SRPK2: variants seen among roughly 807,000 people sequenced by gnomAD.
SRPK2 encodes the protein SRSF protein kinase 2.
In SRPK2, 21 loss-of-function variants were observed where a neutral mutation model predicts 90.8. The observed-to-expected ratio is 0.23, with a 90% CI of 0.16 to 0.33. The LOEUF (loss-of-function observed/expected upper bound fraction) is 0.33. Ranked by LOEUF, SRPK2 falls within the 10% of genes least tolerant of loss-of-function variation. The pLI is 1.00. For synonymous variants in SRPK2, 288 were observed against 311.1 expected, an observed-to-expected ratio of 0.93 and a Z score of 0.78; for missense variants, 620 against 869.0, an observed-to-expected ratio of 0.71 and a Z score of 3.60.
chr7:105,144,682 T>C (rs900761833), intron 9 of SRPK2, among the ~76,000 whole-genome samples: 1 of 152,196 alleles, frequency 6.6e-6, no homozygotes, highest in African/African-American at 2.4e-5. Context: ...GTAAAGTGGT[T>C]TTGAAATAAA....
Position 105,122,878 on chromosome 7 carries a change from CA to C in SRPK2, c.1915+3369del, listed in dbSNP as rs1800607250. Among the ~76,000 whole-genome samples, 9 of 151,954 alleles carry C rather than the reference CA, an allele frequency of 5.9e-5. No homozygotes were observed. The South Asian group carries it at 1.9e-3, about 32-fold the overall frequency. On this transcript the variant is annotated intron_variant, in intron 15 of 15. Transcript: ENST00000393651. ...ACACTCGATGCTGTCATCTAGAGACCAGTTTTTTTTTTTTAAGTAAACTGTC... is the reference window on the plus strand; with the variant it reads ...ACACTCGATGCTGTCATCTAGAGACCGTTTTTTTTTTTTAAGTAAACTGTC...
chr7:105,183,727 T>C (rs1793196554), intron 3 of SRPK2, among the ~76,000 whole-genome samples: 1 of 152,108 alleles, frequency 6.6e-6, no homozygotes, highest in Non-Finnish European at 1.5e-5. Context: ...TGACCTCAAA[T>C]GATCTGCCCA....
At chr7:105,139,328 C>T (rs1043168476) in intron 11 of SRPK2, among the ~76,000 whole-genome samples, 1 of 152,112 alleles carries the variant, frequency 6.6e-6, no homozygotes, top group Non-Finnish European at 1.5e-5. Flanking sequence ...AATGACACTG[C>T]CCACTTTAGG....
intron 6 of SRPK2, 46 bp downstream of exon 6, chr7:105,167,330 AT>A (rs1790206219): frequency 1.3e-6 from 2 of 1,517,216 alleles, no homozygotes; most frequent in African/African-American, 2.8e-5. Context: ...AAATATTTTC[AT>A]TTTTTAAAAG....
intron 2 of SRPK2, among the ~76,000 whole-genome samples, chr7:105,377,726 G>C (rs1015066386): frequency 5.9e-5 from 9 of 151,828 alleles, no homozygotes; most frequent in African/African-American, 2.2e-4. Flanking sequence ...AAAGAGAAAA[G>C]CCTGGCCAAA....
intron 2 of SRPK2, among the ~76,000 whole-genome samples, chr7:105,358,933 G>A (rs546393481): frequency 6.6e-6 from 1 of 151,934 alleles, no homozygotes; most frequent in Non-Finnish European, 1.5e-5. Context: ...AACACAGAGA[G>A]AGAGAGAGAG....
chr7:105,310,074 G>C (rs1004563639), intron 2 of SRPK2, among the ~76,000 whole-genome samples: 31 of 152,164 alleles, frequency 2.0e-4, no homozygotes, highest in African/African-American at 7.2e-4. Context: ...GTAGGTCTAA[G>C]CCAAACAGAA....
chr7:105,285,390 AAAAAAAAAAAAAAAAAAGGAAAAGG>A (rs1807950603), intron 2 of SRPK2, among the ~76,000 whole-genome samples: 1 of 28,088 alleles, frequency 3.6e-5, no homozygotes, highest in Non-Finnish European at 1.0e-4. Context: ...GTCTCCAAAA[AAAAAAAAAAAAAAAAAAGGAAAAGG>A]AAAAGAAAAA....
At chr7:105,115,467 C>T (rs928139619), downstream of SRPK2, 9 of 152,134 alleles carry the variant, frequency 5.9e-5, no homozygotes, top group African/African-American at 2.2e-4. Context: ...CATATGTGAT[C>T]CACTGCTTGT....
At chr7:105,244,869 A>C in intron 2 of SRPK2, 1 of 1,271,428 alleles carries the variant, frequency 7.9e-7, no homozygotes. Flanking sequence ...CCTCAAGTTC[A>C]TCAAGAAAAG....
At chr7:105,287,152 T>C (rs573857381) in intron 2 of SRPK2, among the ~76,000 whole-genome samples, 146 of 147,562 alleles carry the variant, frequency 9.9e-4, no homozygotes, top group Non-Finnish European at 1.7e-3. Flanking sequence ...TCCCAGCTAC[T>C]TGGGAGGCTG....
At position 105,117,944 on chromosome 7, in the gene SRPK2, T is replaced by G. The variant is rs1175577308; in HGVS notation, c.1994A>C (p.Glu665Ala). 6.2e-7 allele frequency: 1 copy of G among 1,614,088 alleles called. No individual in the cohort carries two copies. The highest frequency in any genetic ancestry group is 8.5e-7 in the Non-Finnish European group (1 of 1,180,028). The change falls in exon 16 of 16, where the codon GAA (glutamate) becomes GCA (alanine). Residue 665 changes from glutamate (E) to alanine (A), a missense_variant. By Grantham distance (107) the Glu-to-Ala change is moderately radical (BLOSUM62 -1). Coordinates refer to ENST00000393651, the MANE Select transcript of SRPK2 (RefSeq NM_182692.3). Reference protein sequence around the residue: ...VLVEKYGWPHEDAAQFTDFLI... With the variant: ...VLVEKYGWPHADAAQFTDFLI... ...GAAATCTGTAAACTGTGCAGCATCT[T>G]CATGGGGCCAGCCATACTTTTCCAC...
chr7:105,359,868 G>C (rs1231563368), intron 2 of SRPK2, among the ~76,000 whole-genome samples: 1 of 152,176 alleles, frequency 6.6e-6, no homozygotes, highest in Admixed American at 6.6e-5. Flanking sequence ...ATTTGGGGTG[G>C]AGAATTTTGT....
At chr7:105,180,942 C>G (rs1340677293) in intron 3 of SRPK2, among the ~76,000 whole-genome samples, 3 of 152,132 alleles carry the variant, frequency 2.0e-5, no homozygotes, top group African/African-American at 7.2e-5. Flanking sequence ...AAACAACCTA[C>G]AGGATGGCAG....
At chr7:105,211,208 T>C (rs1044525663) in intron 2 of SRPK2, among the ~76,000 whole-genome samples, 1 of 152,124 alleles carries the variant, frequency 6.6e-6, no homozygotes, top group Non-Finnish European at 1.5e-5. Context: ...GAGTAGATCA[T>C]GGAGAATTAT....
intron 2 of SRPK2, among the ~76,000 whole-genome samples, chr7:105,276,902 G>A (rs1270649938): frequency 6.6e-6 from 1 of 152,072 alleles, no homozygotes; most frequent in African/African-American, 2.4e-5. Context: ...TGTTCAGTGG[G>A]ATGGTTCTCC....
intron 14 of SRPK2, among the ~76,000 whole-genome samples, chr7:105,126,766 C>G (rs571992032): frequency 6.6e-6 from 1 of 152,178 alleles, no homozygotes; most frequent in Admixed American, 6.5e-5. Flanking sequence ...CAGGAAGAGC[C>G]GCTGGTGTAG....
chr7:105,351,905 TCCA>T (rs1817241409), intron 2 of SRPK2, among the ~76,000 whole-genome samples: 2 of 116,902 alleles, frequency 1.7e-5, no homozygotes, highest in Admixed American at 9.3e-5. Flanking sequence ...ACCCTTATAA[TCCA>T]CTGTAAAGCA....
At chr7:105,227,611 C>A (rs756030407) in intron 2 of SRPK2, among the ~76,000 whole-genome samples, 1 of 152,114 alleles carries the variant, frequency 6.6e-6, no homozygotes. Flanking sequence ...AATTAAAAAT[C>A]TCTTACACTG....
Sources: allele counts gnomAD v4.1 joint callset (sites outside exome capture counted in the v4.1 genomes callset), GRCh38; gene constraint gnomAD v4.1.1; transcripts MANE v1.5; gene names NCBI Gene and HGNC (gene_info 2026-07-23, HGNC 2026-07-21).